The following NPHP1 variants were observed in gnomAD, a reference collection of about 807,000 sequenced individuals.
The protein encoded by NPHP1 is nephrocystin 1.
NPHP1 carries 70 observed loss-of-function variants against 90.4 expected under a neutral mutation model. The observed-to-expected ratio is 0.77, with a 90% CI of 0.64 to 0.95. NPHP1 has a LOEUF of 0.95. NPHP1 is among the 40% of genes least tolerant of loss of function. The probability of loss-of-function intolerance (pLI) is 0.00; values close to 1 mark genes in which losing one functional copy is unlikely to be tolerated. For synonymous variants in NPHP1, 256 were observed against 271.7 expected (o/e 0.94, Z 0.57); for missense variants, 764 against 795.9 (o/e 0.96, Z 0.48).
At chr2:110,136,252 A>C (rs943446363) in intron 16 of NPHP1, among the ~76,000 whole-genome samples, 2 of 152,296 alleles carry the variant, frequency 1.3e-5, no homozygotes, top group Middle Eastern at 3.4e-3. Context: ...ATTCCCTTTG[A>C]AAACTGGCAC....
chr2:110,150,752 G>T (rs947998896), intron 11 of NPHP1, among the ~76,000 whole-genome samples: 5 of 151,502 alleles, frequency 3.3e-5, no homozygotes, highest in African/African-American at 9.7e-5. Flanking sequence ...GTTTCACCAT[G>T]TTGGCCAGGC....
At chr2:110,160,567 G>A (rs896938677) in intron 10 of NPHP1, among the ~76,000 whole-genome samples, 5 of 152,102 alleles carry the variant, frequency 3.3e-5, no homozygotes, top group Non-Finnish European at 7.3e-5. Context: ...TTCCAGTCCC[G>A]GTTCACTCCT....
At position 110,179,231 on chromosome 2, in the gene NPHP1, C is replaced by T. The variant is rs140913183; in HGVS notation, c.204+393G>A. ...TTCTGCAGAGACATTGATATCAGAG[C>T]TGCCATTTGATACAAGAAGCTTCTT... is the stretch of plus-strand genomic sequence containing the variant. On this transcript the variant is annotated intron_variant, in intron 3 of 19. Coordinates refer to ENST00000445609, the MANE Select transcript of NPHP1 (RefSeq NM_001128178.3). 1.9e-4 allele frequency among the ~76,000 whole-genome samples: 29 copies of T among 152,026 alleles called. 1 individual carries two copies. In the East Asian group the frequency reaches 5.6e-3, roughly 29 times the overall value.
intron 2 of NPHP1, among the ~76,000 whole-genome samples, chr2:110,183,401 C>T (rs981568462): frequency 1.3e-5 from 2 of 152,296 alleles, no homozygotes; most frequent in East Asian, 1.9e-4. Flanking sequence ...CCCTTTATTT[C>T]GGCCCATCCC....
intron 6 of NPHP1, among the ~76,000 whole-genome samples, chr2:110,166,729 G>T (rs1682753648): frequency 6.6e-6 from 1 of 152,100 alleles, no homozygotes; most frequent in Non-Finnish European, 1.5e-5. Context: ...TTTTTGGGGG[G>T]ATCTTTTTGC....
chr2:110,197,534 C>T (rs1407964281), intron 2 of NPHP1, among the ~76,000 whole-genome samples: 2 of 152,060 alleles, frequency 1.3e-5, no homozygotes, highest in Non-Finnish European at 2.9e-5. Flanking sequence ...TAACATAAAA[C>T]ACGTATATTG....
At position 110,202,522 on chromosome 2, in the gene NPHP1, CT is replaced by C; in HGVS notation, c.70-1029del. ...AATTAGCTAATACTATCAAAACAAA[CT>C]TTCCAGATAGTCAAGGTATCAAAAG... On this transcript the variant is annotated intron_variant, in intron 1 of 19. Transcript: ENST00000445609. 4.7e-6 allele frequency: 2 copies of C among 428,464 alleles called. 1 individual carries two copies. The highest frequency in any genetic ancestry group is 4.0e-5 in the African/African-American group (2 of 49,854). The allele number at this position is 428,464 out of a possible 1,614,324, so 26.5% of individuals were successfully genotyped here.
chr2:110,162,025 AAAAAC>A (rs139437650), intron 9 of NPHP1, among the ~76,000 whole-genome samples: 2,029 of 152,252 alleles, frequency 0.013, 46 homozygotes, highest in African/African-American at 0.046. Context: ...AGACTTCAGA[AAAAAC>A]AAAGTCGTTA....
chr2:110,134,921 C>T (rs1680054685), intron 16 of NPHP1, among the ~76,000 whole-genome samples: 1 of 151,982 alleles, frequency 6.6e-6, no homozygotes, highest in South Asian at 2.1e-4. Flanking sequence ...AGATAAGGAA[C>T]AAGACAAGGA....
chr2:110,191,408 C>T lies in NPHP1; in HGVS notation c.143+10013G>A, dbSNP rs145093826. Among the ~76,000 whole-genome samples, 830 of 152,282 alleles carry T rather than the reference C, an allele frequency of 5.5e-3. 13 individuals are homozygous for T. Among genetic ancestry groups the T allele is most frequent in the African/African-American group, 0.017 (707 of 41,552 alleles). On this transcript the variant is annotated intron_variant, in intron 2 of 19. Transcript: ENST00000445609. Reference sequence around the variant, plus strand: ...AGAGGGTCCTACGCCCAGAGAGCCTCGCTAATTGCTAGCACAGCAGTCTGA... The same window carrying T: ...AGAGGGTCCTACGCCCAGAGAGCCTTGCTAATTGCTAGCACAGCAGTCTGA...
intron 18 of NPHP1, chr2:110,127,066 A>T (rs1280643641): frequency 6.6e-6 from 1 of 152,200 alleles, no homozygotes; most frequent in African/African-American, 2.4e-5. Context: ...AGTTAAATGG[A>T]CCGTGTGACT....
intron 2 of NPHP1, among the ~76,000 whole-genome samples, chr2:110,196,225 G>A (rs1241666883): frequency 2.6e-5 from 4 of 151,736 alleles, no homozygotes; most frequent in Non-Finnish European, 4.4e-5. Flanking sequence ...GCAACCTACA[G>A]AATGGGAGAA....
At chr2:110,125,509 AAC>A in intron 19 of NPHP1, 126 bp downstream of exon 19, 1 of 1,167,228 alleles carries the variant, frequency 8.6e-7, no homozygotes, top group Non-Finnish European at 1.3e-6. Flanking sequence ...GCCATAATGA[AAC>A]AGTTTCCCTG....
chr2:110,140,540 G>A (rs949060481), intron 16 of NPHP1, among the ~76,000 whole-genome samples: 4 of 152,066 alleles, frequency 2.6e-5, no homozygotes, highest in South Asian at 4.1e-4. Context: ...CTGAAAACCA[G>A]TATTTGGGGG....
At chr2:110,129,119 C>G in intron 18 of NPHP1, 67 bp downstream of exon 18, 1 of 1,036,400 alleles carries the variant, frequency 9.6e-7, no homozygotes, top group Non-Finnish European at 1.4e-6. Context: ...AGACAGAACT[C>G]ATTAACACAG....
chr2:110,158,425 C>A (rs1247044931), intron 11 of NPHP1, among the ~76,000 whole-genome samples: 2 of 152,052 alleles, frequency 1.3e-5, no homozygotes, highest in Non-Finnish European at 2.9e-5. Flanking sequence ...GAGGCCCCAA[C>A]TATAATTGTG....
At chr2:110,200,399 C>T (rs544427440) in intron 2 of NPHP1, among the ~76,000 whole-genome samples, 2 of 151,786 alleles carry the variant, frequency 1.3e-5, no homozygotes, top group Admixed American at 6.6e-5. Context: ...CCCATCTCTA[C>T]TCAAAATACA....
intron 4 of NPHP1, among the ~76,000 whole-genome samples, chr2:110,170,298 A>T (rs963953522): frequency 6.6e-6 from 1 of 152,180 alleles, no homozygotes; most frequent in South Asian, 2.1e-4. Context: ...TTGAAGCATT[A>T]TTATGAAGTA....
intron 4 of NPHP1, chr2:110,178,184 C>T (rs765552580): frequency 1.5e-5 from 8 of 519,652 alleles, no homozygotes; most frequent in Non-Finnish European, 2.7e-5. Context: ...CTTTTCAGAT[C>T]TCTGTTTTGT....
Sources: allele counts gnomAD v4.1 joint callset (sites outside exome capture counted in the v4.1 genomes callset), GRCh38; gene constraint gnomAD v4.1.1; transcripts MANE v1.5; gene names NCBI Gene and HGNC (gene_info 2026-07-23, HGNC 2026-07-21).